The following PAPLN variants were observed in gnomAD, a reference collection of about 807,000 sequenced individuals.
PAPLN encodes the protein papilin, proteoglycan like sulfated glycoprotein, also known as papilin.
Under a neutral mutation model 159.0 loss-of-function variants are expected in PAPLN, and 146 were observed. The ratio of observed to expected loss-of-function variants is 0.92; its 90% CI spans 0.80 to 1.05. PAPLN has a LOEUF of 1.05. Ranked by LOEUF, PAPLN falls within the 50% of genes least tolerant of loss-of-function variation. The pLI is 0.00. For synonymous variants in PAPLN, 734 were observed against 702.9 expected, an observed-to-expected ratio of 1.04 and a Z score of -0.70; for missense variants, 1,720 against 1,743.9, an observed-to-expected ratio of 0.99 and a Z score of 0.24.
chr14:73,252,453 C>T (rs1299393930), intron 10 of PAPLN, among the ~76,000 whole-genome samples, 196 bp from the exon 11 acceptor site: 1 of 152,172 alleles, frequency 6.6e-6, no homozygotes, highest in Non-Finnish European at 1.5e-5. Flanking sequence ...GAGTAGGGCT[C>T]TCTCACAGCA....
intron 2 of PAPLN, chr14:73,244,382 A>G: frequency 2.5e-6 from 1 of 395,752 alleles, no homozygotes. Context: ...GGCCCCTGAA[A>G]CTCCAAACTC....
rs1885657098 is a variant in PAPLN, at chr14:73,254,493, T to C, written c.1303-20T>C. On this transcript the variant is annotated intron_variant, in intron 12 of 26. Transcript: ENST00000644200. ...CCTGGGGGCAAGGCCGAGCTTCTGC[T>C]GACAGCCTTGTCCTTGCAGTGTTCT... 1 of 1,612,428 alleles carries C rather than the reference T, an allele frequency of 6.2e-7. No individual in the cohort carries two copies. The highest frequency in any genetic ancestry group is 2.2e-5 in the East Asian group (1 of 44,874).
chr14:73,252,961 G>A (rs1184431750), intron 11 of PAPLN, among the ~76,000 whole-genome samples, 186 bp downstream of exon 11: 1 of 152,194 alleles, frequency 6.6e-6, no homozygotes, highest in Admixed American at 6.5e-5. Flanking sequence ...GCCTGAGCCC[G>A]GGGCTGGTCT....
Position 73,265,158 on chromosome 14 carries a change from G to A in PAPLN, c.3126-212G>A. 6.6e-6 allele frequency among the ~76,000 whole-genome samples: 1 copy of A among 152,194 alleles called. No individual in the cohort carries two copies. The highest frequency in any genetic ancestry group is 1.5e-5 in the Non-Finnish European group (1 of 68,018). On this transcript the variant is annotated intron_variant, in intron 22 of 26. Coordinates refer to ENST00000644200, the MANE Select transcript of PAPLN (RefSeq NM_001365906.3). The surrounding 1 kb of genome is among the most constrained non-coding windows in gnomAD (Gnocchi z 4.1). ...GGTGTGTCTGGCCAGCTGTGGTGGA[G>A]GGGCAGGGAGTGGTAGTGGCGGGGA...
chr14:73,256,152 C>T (rs1196027683), intron 14 of PAPLN, among the ~76,000 whole-genome samples: 1 of 152,126 alleles, frequency 6.6e-6, no homozygotes, highest in Non-Finnish European at 1.5e-5. Context: ...CTCCATGGAG[C>T]CAGTCTGTTC....
At chr14:73,243,398 T>C (rs961473132) in intron 2 of PAPLN, 3 of 152,236 alleles carry the variant, frequency 2.0e-5, no homozygotes, top group Non-Finnish European at 4.4e-5. Context: ...TTCCAGCAAA[T>C]GTTTGCATGT....
At position 73,245,963 on chromosome 14, in the gene PAPLN, G is replaced by A. The variant is rs1884221249; in HGVS notation, c.232-110G>A. The A allele has an allele frequency of 2.6e-6, 3 of 1,161,710 alleles. No individual in the cohort carries two copies. Among genetic ancestry groups the A allele is most frequent in the Non-Finnish European group, 2.3e-6 (2 of 853,114 alleles). The allele number at this position is 1,161,710 out of a possible 1,614,324, so 72.0% of individuals were successfully genotyped here. ...GGCGGACTCCACCTCCGGCGGCTCC[G>A]ATGGGGCAGGCAAGGGAGACTCCTG... On this transcript the variant is annotated intron_variant, in intron 4 of 26. Transcript: ENST00000644200. This position sits in a 1 kb window ranked among gnomAD's most constrained non-coding sequence, Gnocchi z 4.2.
chr14:73,246,448 A>G (rs1413190867), intron 5 of PAPLN, among the ~76,000 whole-genome samples: 1 of 137,148 alleles, frequency 7.3e-6, no homozygotes, highest in Non-Finnish European at 1.5e-5. Context: ...GGGGCTCGCA[A>G]TGTACAGGAA....
rs1887859480 is a variant in PAPLN, at chr14:73,272,859, T to A, written c.*195T>A. On this transcript the variant is annotated 3_prime_UTR_variant, in exon 27 of 27. Transcript: ENST00000644200. The stretch of plus-strand genomic sequence containing the variant: ...AGCTTCTCTCTGTAGCCTTCAGCAG[T>A]GTTTGCATCTCTGACATAACCACAG... 2.2e-6 allele frequency: 1 copy of A among 454,128 alleles called. No homozygotes were observed. The highest frequency in any genetic ancestry group is 4.1e-5 in the Admixed American group (1 of 24,570). The allele number at this position is 454,128 out of a possible 1,614,324, so 28.1% of individuals were successfully genotyped here. A position where few individuals can be genotyped will look rare whatever the true frequency, so the allele number is the denominator to read the frequency against.
chr14:73,263,967 C>T, intron 20 of PAPLN, 185 bp downstream of exon 20: 1 of 1,412,744 alleles, frequency 7.1e-7, no homozygotes, highest in South Asian at 1.3e-5. Flanking sequence ...CCCCGACCTC[C>T]TCTGACAGGT....
Position 73,252,684 on chromosome 14 carries a change from C to T in PAPLN, c.1003C>T (p.His335Tyr), listed in dbSNP as rs777882885. Residue 335 changes from histidine to tyrosine, a missense_variant, in exon 11 of 27, where the codon CAT (histidine) becomes TAT (tyrosine). Transcript: ENST00000644200. ...CCGCCTGGTGTTCTGCACCATCGAC[C>T]ATGAGGCCTACCCCGACCACATGTG... ...QSRLVFCTID[H>Y]EAYPDHMCQR... is the part of the protein sequence containing the mutation. 28 of 1,613,256 alleles carry T rather than the reference C, an allele frequency of 1.7e-5. No individual in the cohort carries two copies. Among genetic ancestry groups the T allele is most frequent in the Non-Finnish European group, 2.2e-5 (26 of 1,180,010 alleles).
Position 73,245,537 on chromosome 14 carries a change from C to CT in PAPLN, c.171-98dup. The CT allele has an allele frequency of 7.4e-7, 1 of 1,350,712 alleles. No homozygotes were observed. Among genetic ancestry groups the CT allele is most frequent in the Non-Finnish European group, 1.0e-6 (1 of 985,348 alleles). 83.7% of individuals were successfully genotyped at this position (1,350,712 alleles called of 1,614,324 possible). A position where few individuals can be genotyped will look rare whatever the true frequency, so the allele number is the denominator to read the frequency against. ...ACACCCTCTCACCTTGCTGCTCCCA[C>CT]TGGAGAGTCCCGCAGAAGTTGGGGC... On this transcript the variant is annotated intron_variant, in intron 3 of 26. Transcript: ENST00000644200. The surrounding 1 kb of genome is among the most constrained non-coding windows in gnomAD (Gnocchi z 4.2).
At position 73,265,292 on chromosome 14, in the gene PAPLN, G is replaced by A. The variant is rs1478917967; in HGVS notation, c.3126-78G>A. Reference sequence around the variant, plus strand: ...CTGGAGAGGGAGAAGGGGCCACCAGGCTTGTGCAGAGGTGCCCATGGGAGT... The same window carrying A: ...CTGGAGAGGGAGAAGGGGCCACCAGACTTGTGCAGAGGTGCCCATGGGAGT... On this transcript the variant is annotated intron_variant, in intron 22 of 26. Transcript: ENST00000644200. This position sits in a 1 kb window ranked among gnomAD's most constrained non-coding sequence, Gnocchi z 4.1. 3 of 1,549,182 alleles carry A rather than the reference G, an allele frequency of 1.9e-6. No individual in the cohort carries two copies. In the African/African-American group the frequency reaches 4.1e-5, roughly 21 times the overall value.
rs574164462 is a variant in PAPLN, at chr14:73,264,036, C to T, written c.2862-175C>T. On this transcript the variant is annotated intron_variant, in intron 20 of 26. Transcript: ENST00000644200. ...TTCACGTGACAGCTCCCTCCACCTCCGCTGACAGGTGTGTGTGACAGCCTC... is the reference window on the plus strand; with the variant it reads ...TTCACGTGACAGCTCCCTCCACCTCTGCTGACAGGTGTGTGTGACAGCCTC... 3.5e-5 allele frequency: 53 copies of T among 1,527,436 alleles called. No individual in the cohort carries two copies. The East Asian group carries it at 8.1e-4, about 23-fold the overall frequency. 94.6% of individuals were successfully genotyped at this position (1,527,436 alleles called of 1,614,324 possible).
intron 26 of PAPLN, among the ~76,000 whole-genome samples, chr14:73,271,627 G>A (rs1594841334): frequency 6.6e-6 from 1 of 151,704 alleles, no homozygotes; most frequent in African/African-American, 2.4e-5. Context: ...TCAGCTTCCC[G>A]AGTAGCTGGG....
At chr14:73,263,282 T>G in intron 19 of PAPLN, 1 of 372,642 alleles carries the variant, frequency 2.7e-6, no homozygotes, top group Non-Finnish European at 4.9e-6. Context: ...TTTGGGAAGG[T>G]TAAAAACAAA....
rs1327971519 is a variant in PAPLN at position 73,262,342 on chromosome 14, C to T, written c.2246-8C>T. ...CTCAGTGACTTATATCACACCCATG[C>T]CCTGCAGCCTACCCCGTGCGGTGCC... On this transcript the variant is annotated splice_polypyrimidine_tract_variant and splice_region_variant and intron_variant, in intron 18 of 26. Coordinates refer to ENST00000644200, the MANE Select transcript of PAPLN (RefSeq NM_001365906.3). 1 of 1,602,052 alleles carries T rather than the reference C, an allele frequency of 6.2e-7. No homozygotes were observed. The highest frequency in any genetic ancestry group is 8.5e-7 in the Non-Finnish European group (1 of 1,172,770).
At chr14:73,239,192 C>A (rs1191062815) in intron 1 of PAPLN, among the ~76,000 whole-genome samples, 1 of 152,026 alleles carries the variant, frequency 6.6e-6, no homozygotes, top group Admixed American at 6.6e-5. Flanking sequence ...TCACACGCTG[C>A]ACCACGCACA....
intron 26 of PAPLN, 199 bp from the exon 27 acceptor site, chr14:73,272,296 G>C (rs1887804471): frequency 2.3e-6 from 1 of 443,344 alleles, no homozygotes; most frequent in African/African-American, 2.0e-5. Flanking sequence ...ATGTTGAAGT[G>C]AGGCCAAGAA....
Sources: allele counts gnomAD v4.1 joint callset (sites outside exome capture counted in the v4.1 genomes callset), GRCh38; gene constraint gnomAD v4.1.1; non-coding constraint Gnocchi (gnomAD v3.1); transcripts MANE v1.5; gene names NCBI Gene and HGNC (gene_info 2026-07-23, HGNC 2026-07-21).